Variants in ELFN1 observed in about 807,000 individuals in gnomAD.
ELFN1 encodes the protein extracellular leucine rich repeat and fibronectin type III domain containing 1, also known as protein ELFN1.
In ELFN1, 6 loss-of-function variants were observed where a neutral mutation model predicts 7.6. That is an observed-to-expected ratio of 0.79 (90% CI 0.43 to 1.56). The LOEUF (loss-of-function observed/expected upper bound fraction) is 1.56. Ranked by LOEUF, ELFN1 falls within the 40% of genes most tolerant of loss-of-function variation. The pLI is 0.01. For missense variants in ELFN1, 1,169 were observed against 1,232.2 expected, an observed-to-expected ratio of 0.95 and a Z score of 0.77; for synonymous variants, 657 against 588.1, an observed-to-expected ratio of 1.12 and a Z score of -1.70.
chr7:1,746,952 C>G lies in ELFN1; in HGVS notation c.2356C>G (p.Arg786Gly). 1 of 1,551,178 alleles carries G rather than the reference C, an allele frequency of 6.4e-7. No homozygotes were observed. The highest frequency in any genetic ancestry group is 8.7e-7 in the Non-Finnish European group (1 of 1,147,664). Reference protein sequence around the residue: ...IWERFRLSRRRHKEEEEFMAA... With the variant: ...IWERFRLSRRGHKEEEEFMAA... ...GGAGCGCTTCAGACTGAGCCGCCGGCGGCACAAGGAGGAAGAGGAGTTCAT... is the reference window on the plus strand; with the variant it reads ...GGAGCGCTTCAGACTGAGCCGCCGGGGGCACAAGGAGGAAGAGGAGTTCAT... The change falls in exon 4 of 4, where the codon CGG becomes GGG. Residue 786 changes from arginine to glycine, a missense_variant. This residue lies in a region of ELFN1 where 914 missense variants were observed against 872.6 expected (regional missense o/e 1.05). Transcript: ENST00000424383.
chr7:1,679,159 G>A lies in ELFN1; in HGVS notation c.-549+8805G>A, dbSNP rs551683539. 6.6e-4 allele frequency among the ~76,000 whole-genome samples: 99 copies of A among 150,474 alleles called. 1 individual carries two copies. Among genetic ancestry groups the A allele is most frequent in the African/African-American group, 2.2e-3 (88 of 40,212 alleles). ...CACACGCGTGCGCGCACACACACACGCGTGCACACACGTACGCGCGCACAC... is the reference window on the plus strand; with the variant it reads ...CACACGCGTGCGCGCACACACACACACGTGCACACACGTACGCGCGCACAC... On this transcript the variant is annotated intron_variant, in intron 1 of 3. Transcript: ENST00000424383.
At chr7:1,703,139 A>T (rs1468020452) in intron 2 of ELFN1, among the ~76,000 whole-genome samples, 1 of 152,128 alleles carries the variant, frequency 6.6e-6, no homozygotes, top group East Asian at 1.9e-4. Flanking sequence ...CATTTCCCTG[A>T]TTATACGGGA....
chr7:1,717,050 G>A (rs1441328715), intron 3 of ELFN1, among the ~76,000 whole-genome samples: 1 of 152,152 alleles, frequency 6.6e-6, no homozygotes, highest in Non-Finnish European at 1.5e-5. Flanking sequence ...GAGGGAGGAG[G>A]GGGAAAGGCG....
At chr7:1,736,600 G>A (rs969411229) in intron 3 of ELFN1, among the ~76,000 whole-genome samples, 2 of 152,220 alleles carry the variant, frequency 1.3e-5, no homozygotes, top group East Asian at 1.9e-4. Context: ...GGGGGACAGC[G>A]GGGTGCTCTC....
Position 1,744,802 on chromosome 7 carries a change from A to G in ELFN1, c.206A>G (p.Glu69Gly). ...ACCATCGTGGACCTGCGGCTCAACG[A>G]GAACCGTATCCGCAGCGTGCAGTAC... ...NSTIVDLRLN[E>G]NRIRSVQYAS... The change falls in exon 4 of 4, where the codon GAG becomes GGG. Residue 69 changes from glutamate (E) to glycine (G), a missense_variant. By Grantham distance (98) the Glu-to-Gly change is moderately conservative. This residue lies in a region of ELFN1 where 255 missense variants were observed against 359.6 expected (regional missense o/e 0.71). Coordinates refer to ENST00000424383, the MANE Select transcript of ELFN1 (RefSeq NM_001128636.4). 6.4e-7 allele frequency: 1 copy of G among 1,559,824 alleles called. No homozygotes were observed. The highest frequency in any genetic ancestry group is 1.2e-5 in the South Asian group (1 of 84,606).
At chr7:1,668,846 C>T (rs536931826), upstream of ELFN1, among the ~76,000 whole-genome samples, 3 of 152,374 alleles carry the variant, frequency 2.0e-5, no homozygotes, top group East Asian at 5.8e-4. Context: ...CGGTGCCCTT[C>T]CTGCCGGCCC....
At chr7:1,720,625 T>A (rs941412087) in intron 3 of ELFN1, among the ~76,000 whole-genome samples, 2 of 152,196 alleles carry the variant, frequency 1.3e-5, no homozygotes, top group African/African-American at 4.8e-5. Context: ...CAGGTTGTGA[T>A]GCCTTTCTGA....
At position 1,739,420 on chromosome 7, in the gene ELFN1, T is replaced by C. The variant is rs1173203391; in HGVS notation, c.-293-4884T>C. 2 of 152,140 alleles carry C rather than the reference T, an allele frequency of 1.3e-5. No individual in the cohort carries two copies. The highest frequency in any genetic ancestry group is 2.4e-5 in the African/African-American group (1 of 41,228). The allele number at this position is 152,140 out of a possible 1,614,324, so 9.4% of individuals were successfully genotyped here. A position where few individuals can be genotyped will look rare whatever the true frequency, so the allele number is the denominator to read the frequency against. ...ACTTTTGGTGTAGGAATGTGGCGGA[T>C]GGTGAGGCAGGGAGATGCCAGCGGG... is the stretch of plus-strand genomic sequence containing the variant. On this transcript the variant is annotated intron_variant, in intron 3 of 3. Transcript: ENST00000424383. This position sits in a 1 kb window ranked among gnomAD's most constrained non-coding sequence, Gnocchi z 4.6.
Position 1,705,275 on chromosome 7 carries a change from C to T in ELFN1, c.-455-3816C>T, listed in dbSNP as rs1014463891. On this transcript the variant is annotated intron_variant, in intron 2 of 3. Transcript: ENST00000424383. This position sits in a 1 kb window ranked among gnomAD's most constrained non-coding sequence, Gnocchi z 4.3. ...CAGCAGGCGCCCCTCCTCCCCACCT[C>T]GCTAAACAATCATTGCACAAAATAT... 3.3e-5 allele frequency among the ~76,000 whole-genome samples: 5 copies of T among 152,190 alleles called. No homozygotes were observed. The highest frequency in any genetic ancestry group is 2.1e-4 in the South Asian group (1 of 4,832).
chr7:1,701,641 C>G (rs1779430051), intron 2 of ELFN1, among the ~76,000 whole-genome samples: 1 of 151,906 alleles, frequency 6.6e-6, no homozygotes, highest in African/African-American at 2.4e-5. Context: ...AAGACCCCTT[C>G]TCTAAAAAAA....
intron 3 of ELFN1, among the ~76,000 whole-genome samples, chr7:1,717,855 C>T (rs995251941): frequency 3.9e-5 from 6 of 152,158 alleles, no homozygotes; most frequent in African/African-American, 1.4e-4. Flanking sequence ...TCCTGCTTCT[C>T]CTCCCTTCCC....
rs574039334 is a variant in ELFN1, at chr7:1,705,236, T to C, written c.-455-3855T>C. Among the ~76,000 whole-genome samples, 52 of 152,250 alleles carry C rather than the reference T, an allele frequency of 3.4e-4. No individual in the cohort carries two copies. The highest frequency in any genetic ancestry group is 1.0e-3 in the African/African-American group (42 of 41,554). The stretch of plus-strand genomic sequence containing the variant: ...GGGGCGGCACAGCTGTGCGGGAGGC[T>C]GGGCTGCTGGCATCAGCAGGCGCCC... On this transcript the variant is annotated intron_variant, in intron 2 of 3. Transcript: ENST00000424383. The surrounding 1 kb of genome is among the most constrained non-coding windows in gnomAD (Gnocchi z 4.3).
upstream of ELFN1, among the ~76,000 whole-genome samples, chr7:1,670,259 A>G (rs1778737262): frequency 6.6e-6 from 1 of 151,276 alleles, no homozygotes; most frequent in South Asian, 2.1e-4. The surrounding 1 kb of genome is among the most constrained non-coding windows in gnomAD (Gnocchi z 6.4). Context: ...TCGATGGGCG[A>G]AGCTGGGGAG....
chr7:1,724,709 T>TC (rs139524023), intron 3 of ELFN1, among the ~76,000 whole-genome samples: 4,340 of 151,886 alleles, frequency 0.029, 220 homozygotes, highest in African/African-American at 0.1. Context: ...TGAACGCGAC[T>TC]CCCCCCAGGG....
chr7:1,700,911 C>T (rs1053070274), intron 2 of ELFN1, among the ~76,000 whole-genome samples: 1 of 152,176 alleles, frequency 6.6e-6, no homozygotes, highest in African/African-American at 2.4e-5. Flanking sequence ...TTGTGAAATG[C>T]CTTTTCAAGA....
At chr7:1,711,704 T>A (rs1190995626) in intron 3 of ELFN1, among the ~76,000 whole-genome samples, 1 of 152,038 alleles carries the variant, frequency 6.6e-6, no homozygotes, top group Non-Finnish European at 1.5e-5. Flanking sequence ...CAGTCTGTGC[T>A]GATCCCCTAC....
chr7:1,718,260 G>A (rs145991091), intron 3 of ELFN1, among the ~76,000 whole-genome samples: 1 of 152,324 alleles, frequency 6.6e-6, no homozygotes, highest in African/African-American at 2.4e-5. Context: ...GTAGTATTTA[G>A]GTGGGTCCAG....
intron 3 of ELFN1, among the ~76,000 whole-genome samples, chr7:1,738,378 A>G (rs1053609415): frequency 2.6e-5 from 4 of 152,158 alleles, no homozygotes; most frequent in African/African-American, 4.8e-5. Context: ...AGGACCCCCT[A>G]ACCCCCTGCG....
At chr7:1,734,410 A>G (rs1282691157) in intron 3 of ELFN1, among the ~76,000 whole-genome samples, 1 of 152,212 alleles carries the variant, frequency 6.6e-6, no homozygotes, top group Non-Finnish European at 1.5e-5. Context: ...ATAACAGACC[A>G]TTAAATGTTT....
Sources: allele counts gnomAD v4.1 joint callset (sites outside exome capture counted in the v4.1 genomes callset), GRCh38; gene constraint gnomAD v4.1.1; regional missense constraint gnomAD v4.1.1; non-coding constraint Gnocchi (gnomAD v3.1); transcripts MANE v1.5; gene names NCBI Gene and HGNC (gene_info 2026-07-23, HGNC 2026-07-21).